The following MCF2L2 variants were observed in gnomAD, a reference collection of about 807,000 sequenced individuals.
MCF2L2 encodes the protein probable guanine nucleotide exchange factor MCF2L2.
MCF2L2 carries 102 observed loss-of-function variants against 150.2 expected under a neutral mutation model. The ratio of observed to expected loss-of-function variants is 0.68; its 90% CI spans 0.58 to 0.80. MCF2L2 has a LOEUF of 0.80. Ranked by LOEUF, MCF2L2 falls within the 30% of genes least tolerant of loss-of-function variation. MCF2L2 has a pLI of 0.00. For missense variants in MCF2L2, 1,256 were observed against 1,372.8 expected (o/e 0.91, Z 1.34); for synonymous variants, 465 against 491.3 (o/e 0.95, Z 0.71).
intron 11 of MCF2L2, chr3:183,298,291 AG>A (rs1180975700): frequency 2.6e-5 from 4 of 152,246 alleles, no homozygotes; most frequent in African/African-American, 7.2e-5. Flanking sequence ...AGAAGTTTCC[AG>A]TGCCAATACC....
At position 183,276,918 on chromosome 3, in the gene MCF2L2, G is replaced by T. The variant is rs765019903; in HGVS notation, c.1816C>A (p.Pro606Thr). The stretch of plus-strand genomic sequence containing the variant: ...AGCCTGGCCTGCTGCTCCAGCTCAG[G>T]GTTCCCCCTTTCATGATGGCTTTCA... ...IFESHHERGN[P>T]ELEQQARLGD... The change falls in exon 15 of 30, where the codon CCT (proline) becomes ACT (threonine). Residue 606 changes from proline to threonine, a missense_variant. Transcript: ENST00000328913. 2 of 1,610,870 alleles carry T rather than the reference G, an allele frequency of 1.2e-6. No homozygotes were observed. The highest frequency in any genetic ancestry group is 2.2e-5 in the East Asian group (1 of 44,796).
rs187254290 is a variant in MCF2L2 at position 183,391,440 on chromosome 3, C to A, written c.77-1661G>T. On this transcript the variant is annotated intron_variant, in intron 1 of 29. Transcript: ENST00000328913. The stretch of plus-strand genomic sequence containing the variant: ...TCACTAAAAGTTCAAAGAACTCCTT[C>A]GTCACTGTTCATTCGGTGGGTGTAA... Among the ~76,000 whole-genome samples, 3 of 152,236 alleles carry A rather than the reference C, an allele frequency of 2.0e-5. No homozygotes were observed. The East Asian group carries it at 5.8e-4, about 29-fold the overall frequency.
Position 183,207,768 on chromosome 3 carries a change from G to T in MCF2L2, c.2552C>A (p.Thr851Lys), listed in dbSNP as rs762307101. ...CATTTTATAACGATCCTTGTGAATT[G>T]TCCAGACGCTGAAAGGGCCGTGCAG... is the stretch of plus-strand genomic sequence containing the variant. ...LLLHGPFSVW[T>K]IHKDRYKMKD... Residue 851 changes from threonine (T) to lysine (K), a missense_variant, in exon 23 of 30, where the codon ACA (threonine) becomes AAA (lysine). By Grantham distance (78) the Thr-to-Lys change is moderately conservative. Transcript: ENST00000328913. 3 of 1,614,024 alleles carry T rather than the reference G, an allele frequency of 1.9e-6. No homozygotes were observed. Among genetic ancestry groups the T allele is most frequent in the Non-Finnish European group, 2.5e-6 (3 of 1,180,036 alleles).
chr3:183,394,737 G>A (rs1373379052), intron 1 of MCF2L2, among the ~76,000 whole-genome samples: 2 of 152,184 alleles, frequency 1.3e-5, no homozygotes, highest in Non-Finnish European at 2.9e-5. Context: ...ACTAGAAAAT[G>A]TCCAACTTCC....
chr3:183,234,139 G>A (rs576386518), intron 15 of MCF2L2, among the ~76,000 whole-genome samples: 1 of 152,248 alleles, frequency 6.6e-6, no homozygotes, highest in African/African-American at 2.4e-5. Context: ...ATGTTTCTAC[G>A]AGCCCTGGCA....
chr3:183,384,024 G>C (rs1034660397), intron 2 of MCF2L2, among the ~76,000 whole-genome samples: 1 of 152,226 alleles, frequency 6.6e-6, no homozygotes, highest in Non-Finnish European at 1.5e-5. Flanking sequence ...ATAAGAACCA[G>C]AAACTCAAAG....
intron 15 of MCF2L2, among the ~76,000 whole-genome samples, chr3:183,275,930 A>AT (rs139867347): frequency 0.02 from 2,971 of 152,326 alleles, 110 homozygotes; most frequent in African/African-American, 0.068. Context: ...CTGGCCTGTT[A>AT]TAAGTTAATA....
At chr3:183,191,163 A>G (rs1721877113) in intron 27 of MCF2L2, among the ~76,000 whole-genome samples, 2 of 152,212 alleles carry the variant, frequency 1.3e-5, no homozygotes, top group Admixed American at 6.5e-5. Context: ...GGCGTGAGCC[A>G]CCGCACCCGG....
At chr3:183,284,144 A>G (rs1365880009) in intron 14 of MCF2L2, among the ~76,000 whole-genome samples, 1 of 152,196 alleles carries the variant, frequency 6.6e-6, no homozygotes, top group African/African-American at 2.4e-5. Context: ...TTGGTGAAAG[A>G]GCAAGGCCAA....
At chr3:183,322,281 A>G (rs1014878799) in intron 6 of MCF2L2, among the ~76,000 whole-genome samples, 13 of 152,196 alleles carry the variant, frequency 8.5e-5, no homozygotes, top group African/African-American at 2.9e-4. Context: ...CAGACAATAC[A>G]TCACTTATTC....
rs185960180 is a variant in MCF2L2 at position 183,319,068 on chromosome 3, G to A, written c.604-851C>T. Among the ~76,000 whole-genome samples the A allele has an allele frequency of 2.4e-4, 36 of 152,320 alleles. No homozygotes were observed. The East Asian group carries it at 6.6e-3, about 28-fold the overall frequency. ...CTGTAGCATGCGAAACTGTTTGGTA[G>A]CAGTTTACTCACAATAGAACTTCTT... On this transcript the variant is annotated intron_variant, in intron 6 of 29. Transcript: ENST00000328913.
chr3:183,314,542 A>G (rs894343471), intron 7 of MCF2L2, among the ~76,000 whole-genome samples: 7 of 152,158 alleles, frequency 4.6e-5, no homozygotes, highest in African/African-American at 1.7e-4. Flanking sequence ...GACCAGACAC[A>G]TATACCTAAG....
intron 1 of MCF2L2, among the ~76,000 whole-genome samples, chr3:183,402,982 T>TA (rs1167292664): frequency 1.3e-5 from 2 of 151,658 alleles, no homozygotes; most frequent in Non-Finnish European, 2.9e-5. Flanking sequence ...AGGAAGGATA[T>TA]AAAAAGCAAC....
intron 5 of MCF2L2, among the ~76,000 whole-genome samples, chr3:183,333,984 A>G (rs1730370670): frequency 6.7e-6 from 1 of 149,180 alleles, no homozygotes; most frequent in Non-Finnish European, 1.5e-5. Flanking sequence ...AAAAAAAATG[A>G]TAGGGACATG....
intron 3 of MCF2L2, among the ~76,000 whole-genome samples, chr3:183,370,361 G>A (rs1467100248): frequency 2.0e-5 from 3 of 152,260 alleles, no homozygotes; most frequent in East Asian, 1.9e-4. Flanking sequence ...AGCAATGCCC[G>A]GGTGGGGCAT....
At chr3:183,209,188 C>T (rs930334955) in intron 22 of MCF2L2, among the ~76,000 whole-genome samples, 1 of 152,304 alleles carries the variant, frequency 6.6e-6, no homozygotes, top group South Asian at 2.1e-4. Flanking sequence ...TCACTACAGA[C>T]CTTAGTGACT....
At chr3:183,329,823 G>C (rs776959291) in intron 5 of MCF2L2, among the ~76,000 whole-genome samples, 21 of 152,200 alleles carry the variant, frequency 1.4e-4, no homozygotes, top group African/African-American at 4.3e-4. Context: ...CTACATGCAT[G>C]GGCTAACTGG....
At chr3:183,424,178 A>C (rs1716044851) in intron 1 of MCF2L2, among the ~76,000 whole-genome samples, 1 of 152,322 alleles carries the variant, frequency 6.6e-6, no homozygotes, top group South Asian at 2.1e-4. Context: ...ATGTGACTCT[A>C]TGGTCCAGAA....
At chr3:183,245,939 C>G (rs942888598) in intron 15 of MCF2L2, among the ~76,000 whole-genome samples, 5 of 152,166 alleles carry the variant, frequency 3.3e-5, no homozygotes, top group Non-Finnish European at 7.4e-5. Context: ...GATTTGTTCT[C>G]ATTACCCTGA....
Sources: gnomAD v4.1 joint callset for allele counts (sites outside exome capture counted in the v4.1 genomes callset) on GRCh38, gnomAD v4.1.1 for gene constraint, MANE v1.5 for transcripts, NCBI Gene and HGNC (gene_info 2026-07-23, HGNC 2026-07-21) for gene names.